Variants in ANP32B observed in about 807,000 individuals in gnomAD.
ANP32B encodes the protein acidic leucine-rich nuclear phosphoprotein 32 family member B.
Under a neutral mutation model 32.2 loss-of-function variants are expected in ANP32B, and 6 were observed. The observed-to-expected ratio is 0.19, with a 90% CI of 0.10 to 0.37. The LOEUF (loss-of-function observed/expected upper bound fraction) is 0.37. Ranked by LOEUF, ANP32B falls within the 10% of genes least tolerant of loss-of-function variation. ANP32B has a pLI of 1.00. For missense variants in ANP32B, 204 were observed against 289.2 expected (o/e 0.71, Z 2.14); for synonymous variants, 98 against 105.8 (o/e 0.93, Z 0.45).
intron 1 of ANP32B, among the ~76,000 whole-genome samples, chr9:97,992,996 T>C (rs1056832048): frequency 6.6e-6 from 1 of 152,174 alleles, no homozygotes; most frequent in African/African-American, 2.4e-5. Flanking sequence ...GAACCAGGAT[T>C]CAACCCCCGG....
At position 97,983,472 on chromosome 9, in the gene ANP32B, C is replaced by T; in HGVS notation, c.-84C>T. 1.6e-6 allele frequency: 2 copies of T among 1,282,684 alleles called. No homozygotes were observed. Among genetic ancestry groups the T allele is most frequent in the South Asian group, 2.6e-5 (2 of 76,304 alleles). The allele number at this position is 1,282,684 out of a possible 1,614,324, so 79.5% of individuals were successfully genotyped here. On this transcript the variant is annotated 5_prime_UTR_variant, in exon 1 of 7. Transcript: ENST00000339399. Reference sequence around the variant, plus strand: ...CGCCGCTAGCAAACCCTTCCGACGGCCCTCGCTGCGCAAGCCGGGACGCCT... The same window carrying T: ...CGCCGCTAGCAAACCCTTCCGACGGTCCTCGCTGCGCAAGCCGGGACGCCT...
chr9:97,990,390 G>A (rs1433622512), intron 1 of ANP32B, among the ~76,000 whole-genome samples: 3 of 152,200 alleles, frequency 2.0e-5, no homozygotes, highest in Non-Finnish European at 4.4e-5. Context: ...ATTTAGACCT[G>A]CTATCCTTGG....
intron 4 of ANP32B, among the ~76,000 whole-genome samples, chr9:98,005,503 G>T (rs569547570): frequency 1.5e-3 from 233 of 151,952 alleles, no homozygotes; most frequent in African/African-American, 5.5e-3. Flanking sequence ...CGTCTCAGAA[G>T]ACAGACAGGG....
In ANP32B at chr9:98,011,349, A is replaced by G; in HGVS notation, c.596A>G (p.Asp199Gly). 2 of 1,552,022 alleles carry G rather than the reference A, an allele frequency of 1.3e-6. No individual in the cohort carries two copies. The highest frequency in any genetic ancestry group is 1.2e-5 in the South Asian group (1 of 85,242). The stretch of plus-strand genomic sequence containing the variant: ...GATGAAGAAGATGATGAAGATGAAG[A>G]TGTAGAAGGGGATGAGGACGACGAT... Reference protein sequence around the residue: ...EFDEEDDEDEDVEGDEDDDEV... With the variant: ...EFDEEDDEDEGVEGDEDDDEV... Residue 199 changes from aspartate (D) to glycine (G), a missense_variant, in exon 5 of 7, where the codon GAT becomes GGT. Coordinates refer to ENST00000339399, the MANE Select transcript of ANP32B (RefSeq NM_006401.3).
intron 1 of ANP32B, among the ~76,000 whole-genome samples, chr9:97,991,967 G>A (rs1827831615): frequency 6.6e-6 from 1 of 152,172 alleles, no homozygotes; most frequent in Non-Finnish European, 1.5e-5. Context: ...GTACAATATT[G>A]CTGACAAACC....
In ANP32B at chr9:98,005,025, A is replaced by C. The variant is rs182096718; in HGVS notation, c.389A>C (p.Asp130Ala). Residue 130 changes from aspartate (D) to alanine (A), a missense_variant, in exon 4 of 7, where the codon GAC becomes GCC. Asp to Ala is a moderately radical substitution (Grantham distance 126). Coordinates refer to ENST00000339399, the MANE Select transcript of ANP32B (RefSeq NM_006401.3). ...AACTGTGAGGTTACCAACCTGAATG[A>C]CTACCGAGAGAGTGTCTTCAAGCTC... ...LFNCEVTNLN[D>A]YRESVFKLLP... is the part of the protein sequence containing the mutation. The C allele has an allele frequency of 1.0e-3, 1,685 of 1,614,116 alleles. 27 individuals are homozygous for C. In the Admixed American group the frequency reaches 0.027, roughly 26 times the overall value.
intron 1 of ANP32B, among the ~76,000 whole-genome samples, chr9:97,992,591 TG>T (rs1446058952): frequency 4.6e-5 from 7 of 152,342 alleles, no homozygotes; most frequent in African/African-American, 1.7e-4. Context: ...ATAACGTTTT[TG>T]GATTATTTTG....
Position 98,005,122 on chromosome 9 carries a change from G to A in ANP32B, c.486G>A (p.Val162=), listed in dbSNP as rs1366225637. ...DQEAPDSDAE[V]DGVDEEEEDE... ...AAGCACCTGACTCAGATGCCGAGGT[G>A]GATGGTGTGGATGAAGAGGAGGAGG... Residue 162 remains valine (V), a synonymous_variant, in exon 4 of 7, where the codon GTG becomes GTA. Transcript: ENST00000339399. 3 of 1,613,704 alleles carry A rather than the reference G, an allele frequency of 1.9e-6. No individual in the cohort carries two copies. Among genetic ancestry groups the A allele is most frequent in the African/African-American group, 2.7e-5 (2 of 74,848 alleles).
chr9:97,994,745 G>A lies in ANP32B; in HGVS notation c.169G>A (p.Val57Ile). 2 of 1,607,698 alleles carry A rather than the reference G, an allele frequency of 1.2e-6. No individual in the cohort carries two copies. The highest frequency in any genetic ancestry group is 2.2e-5 in the East Asian group (1 of 44,740). ...TTTAATAAATGTAGGCTTGATCTCAGTTTCAAATCTCCCCAAGCTGCCTAA... is the reference window on the plus strand; with the variant it reads ...TTTAATAAATGTAGGCTTGATCTCAATTTCAAATCTCCCCAAGCTGCCTAA... ...LSLINVGLIS[V>I]SNLPKLPKLK... The change falls in exon 2 of 7, where the codon GTT becomes ATT. Residue 57 changes from valine (V) to isoleucine (I), a missense_variant. Physicochemically the swap from Val to Ile is conservative, Grantham distance 29 (BLOSUM62 3). Coordinates refer to ENST00000339399, the MANE Select transcript of ANP32B (RefSeq NM_006401.3).
chr9:97,993,638 A>C (rs1204277525), intron 1 of ANP32B, among the ~76,000 whole-genome samples: 2 of 152,114 alleles, frequency 1.3e-5, no homozygotes, highest in African/African-American at 2.4e-5. Context: ...AAATCATCAG[A>C]TGTGATACTG....
chr9:98,007,117 A>G (rs1828099545), intron 4 of ANP32B, among the ~76,000 whole-genome samples: 1 of 152,242 alleles, frequency 6.6e-6, no homozygotes, highest in South Asian at 2.1e-4. Context: ...CAATTATTGA[A>G]AGCTCCCACT....
At chr9:97,995,949 AAAG>A (rs1827898732) in intron 2 of ANP32B, among the ~76,000 whole-genome samples, 1 of 151,728 alleles carries the variant, frequency 6.6e-6, no homozygotes, top group Non-Finnish European at 1.5e-5. Context: ...AAAAAAAAAA[AAAG>A]TATAATACAT....
At chr9:98,005,880 C>T (rs1036507284) in intron 4 of ANP32B, among the ~76,000 whole-genome samples, 2 of 152,220 alleles carry the variant, frequency 1.3e-5, no homozygotes, top group Non-Finnish European at 2.9e-5. Context: ...ACTCCATGAC[C>T]TGTTAGAAAC....
intron 6 of ANP32B, among the ~76,000 whole-genome samples, chr9:98,012,958 C>T (rs535718680): frequency 2.0e-5 from 3 of 152,320 alleles, no homozygotes; most frequent in Admixed American, 1.3e-4. Context: ...TCTCAATCTC[C>T]TGACCTCGTG....
At chr9:97,991,115 G>A (rs1413913054) in intron 1 of ANP32B, among the ~76,000 whole-genome samples, 1 of 146,584 alleles carries the variant, frequency 6.8e-6, no homozygotes, top group African/African-American at 2.6e-5. Context: ...GAGCCACCGT[G>A]CCCAGCCAAA....
At chr9:98,009,140 A>G (rs1828137629) in intron 4 of ANP32B, among the ~76,000 whole-genome samples, 1 of 152,234 alleles carries the variant, frequency 6.6e-6, no homozygotes, top group South Asian at 2.1e-4. Context: ...TATATGTTAG[A>G]TTCCGTTTTT....
chr9:97,987,201 C>G (rs1188862768), intron 1 of ANP32B, among the ~76,000 whole-genome samples: 1 of 151,958 alleles, frequency 6.6e-6, no homozygotes, highest in Non-Finnish European at 1.5e-5. Flanking sequence ...TTTCTAAGTC[C>G]AAAAGAGCTC....
At chr9:97,985,315 C>T (rs957378562) in intron 1 of ANP32B, among the ~76,000 whole-genome samples, 1 of 152,042 alleles carries the variant, frequency 6.6e-6, no homozygotes, top group Non-Finnish European at 1.5e-5. Flanking sequence ...TTTGAGGTCA[C>T]CACTAACGCG....
chr9:98,011,120 G>A, intron 4 of ANP32B, 151 bp from the exon 5 acceptor site: 1 of 1,106,392 alleles, frequency 9.0e-7, no homozygotes, highest in Non-Finnish European at 1.2e-6. Context: ...ATCGGACAAA[G>A]GGACTGAGCT....
Sources: gnomAD v4.1 joint callset for allele counts (sites outside exome capture counted in the v4.1 genomes callset) on GRCh38, gnomAD v4.1.1 for gene constraint, MANE v1.5 for transcripts, NCBI Gene and HGNC (gene_info 2026-07-23, HGNC 2026-07-21) for gene names.